PRDM16: variants seen among roughly 807,000 people sequenced by gnomAD.
PRDM16 encodes PR/SET domain 16, also known as histone-lysine N-methyltransferase PRDM16.
In PRDM16, 23 loss-of-function variants were observed where a neutral mutation model predicts 110.6. The ratio of observed to expected loss-of-function variants is 0.21; its 90% CI spans 0.15 to 0.29. The LOEUF (loss-of-function observed/expected upper bound fraction) is 0.29, where lower values mean the gene tolerates loss of function less well. Ranked by LOEUF, PRDM16 falls within the 10% of genes least tolerant of loss-of-function variation. PRDM16 has a pLI of 1.00. For synonymous variants in PRDM16, 799 were observed against 781.8 expected, an observed-to-expected ratio of 1.02 and a Z score of -0.37; for missense variants, 1,615 against 1,794.3, an observed-to-expected ratio of 0.90 and a Z score of 1.81.
At chr1:3,313,759 G>C (rs1023876345) in intron 3 of PRDM16, among the ~76,000 whole-genome samples, 1 of 152,244 alleles carries the variant, frequency 6.6e-6, no homozygotes, top group Non-Finnish European at 1.5e-5. Context: ...ATTTGCGAAT[G>C]TGTGAAGGCA....
At chr1:3,134,860 C>T (rs1400402335) in intron 1 of PRDM16, among the ~76,000 whole-genome samples, 2 of 152,246 alleles carry the variant, frequency 1.3e-5, no homozygotes, top group East Asian at 1.9e-4. Context: ...CCCGAACCCG[C>T]GTGGGACACC....
chr1:3,100,107 TC>T (rs1481292363), intron 1 of PRDM16, among the ~76,000 whole-genome samples: 1 of 151,848 alleles, frequency 6.6e-6, no homozygotes, highest in African/African-American at 2.4e-5. Flanking sequence ...CAGGTGGCCG[TC>T]CCCTGGCATC....
At chr1:3,078,297 G>A (rs977752146) in intron 1 of PRDM16, among the ~76,000 whole-genome samples, 1 of 152,200 alleles carries the variant, frequency 6.6e-6, no homozygotes. Context: ...CAGGGTCCCC[G>A]AGCTCTGGGT....
In PRDM16 at chr1:3,433,874, G is replaced by A; in HGVS notation, c.*63G>A. On this transcript the variant is annotated 3_prime_UTR_variant, in exon 17 of 17. Coordinates refer to ENST00000270722, the MANE Select transcript of PRDM16 (RefSeq NM_022114.4). ...GCACCAGCCACGAAGGACGGAGGCG[G>A]GCGGGGCCCCGGAGAACCCTGTCCC... 1.3e-6 allele frequency: 2 copies of A among 1,587,718 alleles called. No individual in the cohort carries two copies. Among genetic ancestry groups the A allele is most frequent in the Non-Finnish European group, 1.7e-6 (2 of 1,167,966 alleles).
intron 14 of PRDM16, 85 bp from the exon 15 acceptor site, chr1:3,430,787 G>A (rs1638742737): frequency 6.7e-7 from 1 of 1,497,966 alleles, no homozygotes; most frequent in Non-Finnish European, 9.2e-7. Flanking sequence ...GGCAGTGGGG[G>A]CAGAGCGGAG....
intron 3 of PRDM16, among the ~76,000 whole-genome samples, chr1:3,299,067 C>G (rs559047829): frequency 6.6e-5 from 10 of 152,242 alleles, no homozygotes; most frequent in Admixed American, 1.3e-4. Flanking sequence ...TTTCTCTCCT[C>G]TCCCTCAAGA....
intron 2 of PRDM16, among the ~76,000 whole-genome samples, chr1:3,228,009 A>T (rs367997825): frequency 6.6e-6 from 1 of 152,236 alleles, no homozygotes; most frequent in Non-Finnish European, 1.5e-5. Flanking sequence ...TCACAGTCAC[A>T]TCCAAGTAAA....
chr1:3,435,410 C>G lies in PRDM16; in HGVS notation c.*1599C>G, dbSNP rs563043860. ...GCGATTTTTTATGTGCCAAATACCC[C>G]CGTCCCCCCCATGAATCCTGCTGTC... On this transcript the variant is annotated 3_prime_UTR_variant, in exon 17 of 17. Transcript: ENST00000270722. 2 of 231,192 alleles carry G rather than the reference C, an allele frequency of 8.7e-6. No individual in the cohort carries two copies. The highest frequency in any genetic ancestry group is 2.2e-5 in the African/African-American group (1 of 45,160). The allele number at this position is 231,192 out of a possible 1,614,324, so 14.3% of individuals were successfully genotyped here.
intron 3 of PRDM16, among the ~76,000 whole-genome samples, chr1:3,314,656 C>T (rs1177480658): frequency 6.6e-6 from 1 of 151,808 alleles, no homozygotes; most frequent in African/African-American, 2.4e-5. Context: ...GTTGTTGTTT[C>T]CCCTAATCGC....
intron 3 of PRDM16, among the ~76,000 whole-genome samples, chr1:3,328,788 G>C (rs1415500962): frequency 6.6e-6 from 1 of 152,190 alleles, no homozygotes; most frequent in Non-Finnish European, 1.5e-5. Context: ...TCTGCAGCCA[G>C]GTGGGGGCTT....
At chr1:3,110,828 AG>A (rs1642774345) in intron 1 of PRDM16, among the ~76,000 whole-genome samples, 2 of 152,048 alleles carry the variant, frequency 1.3e-5, no homozygotes. Flanking sequence ...GCCACGTGTG[AG>A]GGGCACATGC....
In PRDM16 at chr1:3,385,296, G is replaced by C; in HGVS notation, c.573+10G>C. ...TCAGATCAGTGAGCAGGTAGGTCCG[G>C]GCTCATAACAGGGGCTTCTGCCTCT... On this transcript the variant is annotated intron_variant, in intron 4 of 16. Coordinates refer to ENST00000270722, the MANE Select transcript of PRDM16 (RefSeq NM_022114.4). 1 of 1,613,412 alleles carries C rather than the reference G, an allele frequency of 6.2e-7. No individual in the cohort carries two copies. The highest frequency in any genetic ancestry group is 8.5e-7 in the Non-Finnish European group (1 of 1,179,852).
At chr1:3,166,972 G>A in intron 1 of PRDM16, among the ~76,000 whole-genome samples, 1 of 152,154 alleles carries the variant, frequency 6.6e-6, no homozygotes, top group Non-Finnish European at 1.5e-5. Context: ...GCTCGAGTAC[G>A]CACGGTGGAC....
At chr1:3,152,134 G>A (rs1030618362) in intron 1 of PRDM16, among the ~76,000 whole-genome samples, 1 of 152,204 alleles carries the variant, frequency 6.6e-6, no homozygotes, top group Non-Finnish European at 1.5e-5. Context: ...TGGAGTCCCT[G>A]CTGTGGCTCT....
Position 3,276,881 on chromosome 1 carries a change from G to A in PRDM16, c.438+32744G>A, listed in dbSNP as rs139976406. Reference sequence around the variant, plus strand: ...ATGGAAAGAGAGCGAGCCCTAAAGGGGGCTGGGCTTGGTCAAGTTCAGCAC... The same window carrying A: ...ATGGAAAGAGAGCGAGCCCTAAAGGAGGCTGGGCTTGGTCAAGTTCAGCAC... On this transcript the variant is annotated intron_variant, in intron 3 of 16. Transcript: ENST00000270722. Among the ~76,000 whole-genome samples, 65 of 152,306 alleles carry A rather than the reference G, an allele frequency of 4.3e-4. No homozygotes were observed. The East Asian group carries it at 0.01, about 24-fold the overall frequency.
rs1638403409 is a variant in PRDM16, at chr1:3,420,756, A to G, written c.2939+2012A>G. ...AATGGCAGTCTTATTTCTTAAAAAA[A>G]AAGTTAAGCATATAGGCTTTGCGGG... On this transcript the variant is annotated intron_variant, in intron 12 of 16. Transcript: ENST00000270722. 3.9e-5 allele frequency among the ~76,000 whole-genome samples: 6 copies of G among 152,206 alleles called. No homozygotes were observed. In the South Asian group the frequency reaches 1.2e-3, roughly 31 times the overall value.
chr1:3,278,339 C>T (rs902169544), intron 3 of PRDM16, among the ~76,000 whole-genome samples: 1 of 152,226 alleles, frequency 6.6e-6, no homozygotes, highest in African/African-American at 2.4e-5. Context: ...CCCTTGCAGC[C>T]ACACCTAGGC....
At chr1:3,227,990 T>C (rs920076739) in intron 2 of PRDM16, among the ~76,000 whole-genome samples, 4 of 152,238 alleles carry the variant, frequency 2.6e-5, no homozygotes, top group Admixed American at 2.0e-4. Flanking sequence ...CTTCGCAGTA[T>C]CCCAGGCTTC....
rs75527923 is a variant in PRDM16 at position 3,191,868 on chromosome 1, C to G, written c.387+5394C>G. Among the ~76,000 whole-genome samples, 817 of 152,232 alleles carry G rather than the reference C, an allele frequency of 5.4e-3. 7 individuals carry two copies. Among genetic ancestry groups the G allele is most frequent in the African/African-American group, 0.019 (772 of 41,532 alleles). ...GTCCATGATTGGCTTTTAAAGGCAC[C>G]GTGAGGCAGGCGTAAAAAGGTAGCA... is the stretch of plus-strand genomic sequence containing the variant. On this transcript the variant is annotated intron_variant, in intron 2 of 16. Transcript: ENST00000270722.
Sources: allele counts gnomAD v4.1 joint callset (sites outside exome capture counted in the v4.1 genomes callset), GRCh38; gene constraint gnomAD v4.1.1; transcripts MANE v1.5; gene names NCBI Gene and HGNC (gene_info 2026-07-23, HGNC 2026-07-21).